The following STK3 variants were observed in gnomAD, a reference collection of about 807,000 sequenced individuals.
STK3 encodes the protein serine/threonine kinase 3, also known as serine/threonine-protein kinase 3.
STK3 carries 41 observed loss-of-function variants against 58.0 expected under a neutral mutation model. That is an observed-to-expected ratio of 0.71 (90% CI 0.55 to 0.92). The LOEUF (loss-of-function observed/expected upper bound fraction) is 0.92, where lower values mean the gene tolerates loss of function less well. Ranked by LOEUF, STK3 falls within the 40% of genes least tolerant of loss-of-function variation. The probability of loss-of-function intolerance (pLI) is 0.00; values close to 1 mark genes in which losing one functional copy is unlikely to be tolerated. For missense variants in STK3, 479 were observed against 602.7 expected, an observed-to-expected ratio of 0.79 and a Z score of 2.15; for synonymous variants, 170 against 191.0, an observed-to-expected ratio of 0.89 and a Z score of 0.91.
intron 4 of STK3, among the ~76,000 whole-genome samples, chr8:98,717,343 A>T (rs1349612220): frequency 1.3e-5 from 2 of 152,170 alleles, no homozygotes; most frequent in Non-Finnish European, 2.9e-5. Flanking sequence ...AAAAAAATCA[A>T]ATTCAAAAAT....
At chr8:98,823,267 AACAT>A (rs1835026019) in intron 1 of STK3, among the ~76,000 whole-genome samples, 3 of 152,232 alleles carry the variant, frequency 2.0e-5, no homozygotes, top group African/African-American at 7.2e-5. Context: ...GTCATACTTG[AACAT>A]CAACGACATC....
intron 3 of STK3, among the ~76,000 whole-genome samples, chr8:98,762,862 T>G (rs892560430): frequency 6.6e-6 from 1 of 152,188 alleles, no homozygotes; most frequent in Non-Finnish European, 1.5e-5. Context: ...TGTTGGAATC[T>G]TTTTACAGGC....
At chr8:98,693,123 G>A (rs1824532836) in intron 6 of STK3, among the ~76,000 whole-genome samples, 1 of 152,148 alleles carries the variant, frequency 6.6e-6, no homozygotes, top group South Asian at 2.1e-4. Context: ...AGGGCTGGGT[G>A]CAGTGGCTCA....
At chr8:98,832,236 C>G (rs1351857785) in intron 3 of STK3, among the ~76,000 whole-genome samples, 7 of 135,784 alleles carry the variant, frequency 5.2e-5, no homozygotes, top group African/African-American at 1.9e-4. Flanking sequence ...ATAGTGCCTC[C>G]TTTTCGTGAA....
At chr8:98,396,108 T>C (rs1446451587) in intron 3 of STK3, among the ~76,000 whole-genome samples, 5 of 152,254 alleles carry the variant, frequency 3.3e-5, no homozygotes, top group Non-Finnish European at 7.3e-5. Context: ...TATGCCATTA[T>C]GGCACTAAAA....
chr8:98,803,098 G>A (rs1046048225), intron 1 of STK3, among the ~76,000 whole-genome samples: 1 of 152,012 alleles, frequency 6.6e-6, no homozygotes. Context: ...TGTTTCATAC[G>A]GTTTCTCAAA....
chr8:98,773,347 CTAATA>C lies in STK3; in HGVS notation c.107+1387_107+1391del, dbSNP rs549233428. Among the ~76,000 whole-genome samples the C allele has an allele frequency of 1.4e-4, 21 of 152,230 alleles. No individual in the cohort carries two copies. The East Asian group carries it at 2.9e-3, about 21-fold the overall frequency. ...TATAAATTGTCCTTGATATTGCTAC[CTAATA>C]TATCTCTTTATTTAGTTGAAACCTT... is the stretch of plus-strand genomic sequence containing the variant. On this transcript the variant is annotated intron_variant, in intron 2 of 10. Transcript: ENST00000419617.
rs149841717 is a variant in STK3 at position 98,412,287 on chromosome 8, C to G, written n.484-10774G>C. ...GCAGTGAGGTGGTTGGCCACTAGAA[C>G]AGACATCTGGCTGCGTTAGAGTTGC... On this transcript the variant is annotated intron_variant and non_coding_transcript_variant, in intron 3 of 3. Transcript: ENST00000517832. Among the ~76,000 whole-genome samples the G allele has an allele frequency of 4.6e-3, 700 of 152,322 alleles. 6 individuals carry two copies. Among genetic ancestry groups the G allele is most frequent in the African/African-American group, 0.015 (627 of 41,578 alleles).
At chr8:98,758,776 C>G (rs1830448472) in intron 3 of STK3, among the ~76,000 whole-genome samples, 2 of 152,346 alleles carry the variant, frequency 1.3e-5, no homozygotes, top group South Asian at 4.1e-4. Context: ...ATTATCTCAG[C>G]TACATCTTCT....
At chr8:98,586,706 G>A (rs1814638303) in intron 7 of STK3, among the ~76,000 whole-genome samples, 1 of 151,938 alleles carries the variant, frequency 6.6e-6, no homozygotes, top group South Asian at 2.1e-4. Context: ...GGTAGAATTA[G>A]GCTGTGAATC....
chr8:98,844,457 T>TTG (rs1188765987), intron 3 of STK3, among the ~76,000 whole-genome samples: 2 of 149,210 alleles, frequency 1.3e-5, no homozygotes, highest in Admixed American at 1.4e-4. Flanking sequence ...CAGCTTGGTT[T>TTG]TGTGTGTGTG....
At chr8:98,929,319 G>A (rs1839924939) in intron 1 of STK3, among the ~76,000 whole-genome samples, 1 of 152,104 alleles carries the variant, frequency 6.6e-6, no homozygotes, top group Non-Finnish European at 1.5e-5. Context: ...GCAAATGAAT[G>A]CCAAGAGTCA....
At chr8:98,410,603 T>C (rs1191989875) in intron 3 of STK3, among the ~76,000 whole-genome samples, 1 of 152,244 alleles carries the variant, frequency 6.6e-6, no homozygotes, top group Non-Finnish European at 1.5e-5. Context: ...TTGGCACTAA[T>C]TGATATGGTT....
At chr8:98,407,714 ATGTGTGTGTG>A (rs6150725) in intron 3 of STK3, among the ~76,000 whole-genome samples, 454 of 137,166 alleles carry the variant, frequency 3.3e-3, no homozygotes, top group Middle Eastern at 0.011. Context: ...AGATGAGTGC[ATGTGTGTGTG>A]TGTGTGTGTG....
At chr8:98,653,876 G>A (rs1467799314) in intron 6 of STK3, among the ~76,000 whole-genome samples, 2 of 152,088 alleles carry the variant, frequency 1.3e-5, no homozygotes, top group African/African-American at 2.4e-5. Context: ...AGGACCAGAA[G>A]GATTCACAGC....
At position 98,614,576 on chromosome 8, in the gene STK3, C is replaced by T. The variant is rs533434118; in HGVS notation, c.685-18407G>A. 4.2e-3 allele frequency among the ~76,000 whole-genome samples: 634 copies of T among 152,102 alleles called. 6 individuals carry two copies. Among genetic ancestry groups the T allele is most frequent in the African/African-American group, 0.015 (609 of 41,416 alleles). On this transcript the variant is annotated intron_variant, in intron 6 of 10. Transcript: ENST00000419617. ...GTTCATCTCACTAGGGAGTGCCAGA[C>T]AGTGGGCGCAGGCCAGTGGGTGTGC... is the stretch of plus-strand genomic sequence containing the variant.
intron 3 of STK3, among the ~76,000 whole-genome samples, chr8:98,861,192 C>G (rs962239014): frequency 6.6e-6 from 1 of 152,096 alleles, no homozygotes; most frequent in Non-Finnish European, 1.5e-5. Flanking sequence ...GCTCCTTACA[C>G]TACAGGGTTT....
intron 4 of STK3, among the ~76,000 whole-genome samples, chr8:98,711,667 CT>C (rs1227442052): frequency 2.0e-5 from 3 of 152,120 alleles, no homozygotes; most frequent in Non-Finnish European, 2.9e-5. Flanking sequence ...ATTGGTGTAC[CT>C]GAAAGTGATG....
intron 3 of STK3, among the ~76,000 whole-genome samples, chr8:98,757,110 T>C (rs1380327945): frequency 6.6e-6 from 1 of 152,114 alleles, no homozygotes; most frequent in African/African-American, 2.4e-5. Flanking sequence ...GAGCTGTATA[T>C]ATAACAATAT....
Sources: allele counts gnomAD v4.1 joint callset (sites outside exome capture counted in the v4.1 genomes callset), GRCh38; gene constraint gnomAD v4.1.1; transcripts MANE v1.5; gene names NCBI Gene and HGNC (gene_info 2026-07-23, HGNC 2026-07-21).